TNKS2: variants seen among roughly 807,000 people sequenced by gnomAD.
TNKS2 encodes poly [ADP-ribose] polymerase tankyrase-2.
A neutral mutation model predicts 137.6 loss-of-function variants in TNKS2; 72 were observed. The ratio of observed to expected loss-of-function variants is 0.52; its 90% CI spans 0.43 to 0.64. The LOEUF (loss-of-function observed/expected upper bound fraction) is 0.64, where lower values mean the gene tolerates loss of function less well. Ranked by LOEUF, TNKS2 falls within the 30% of genes least tolerant of loss-of-function variation. TNKS2 has a pLI of 0.00. For synonymous variants in TNKS2, 516 were observed against 512.1 expected, an observed-to-expected ratio of 1.01 and a Z score of -0.10; for missense variants, 1,049 against 1,410.2, an observed-to-expected ratio of 0.74 and a Z score of 4.10.
At chr10:91,824,786 A>G (rs919010550) in intron 7 of TNKS2, among the ~76,000 whole-genome samples, 2 of 152,216 alleles carry the variant, frequency 1.3e-5, no homozygotes, top group Admixed American at 1.3e-4. Flanking sequence ...TGAAGCCAGT[A>G]AGATTAATGG....
rs193214873 is a variant in TNKS2 at position 91,812,315 on chromosome 10, G to A, written c.200-668G>A. Among the ~76,000 whole-genome samples the A allele has an allele frequency of 4.0e-3, 609 of 152,266 alleles. 5 individuals are homozygous for A. The highest frequency in any genetic ancestry group is 0.013 in the African/African-American group (555 of 41,550). On this transcript the variant is annotated intron_variant, in intron 1 of 26. Transcript: ENST00000371627. ...TTTTTTTGTTTTATTTGATTTGGGGGCAGTTGAGCAGAACTGTGGAATGTT... is the reference window on the plus strand; with the variant it reads ...TTTTTTTGTTTTATTTGATTTGGGGACAGTTGAGCAGAACTGTGGAATGTT...
In TNKS2 at chr10:91,862,203, C is replaced by CT. The variant is rs753867261; in HGVS notation, c.3438+51dup. 19 of 1,420,844 alleles carry CT rather than the reference C, an allele frequency of 1.3e-5. No individual in the cohort carries two copies. In the African/African-American group the frequency reaches 2.6e-4, roughly 20 times the overall value. The allele number at this position is 1,420,844 out of a possible 1,614,324, so 88.0% of individuals were successfully genotyped here. ...TCTTCAAAAATGCTAGGGAGGCATA[C>CT]TTTAACTTTTTATTAATCTCTTGAA... On this transcript the variant is annotated intron_variant, in intron 26 of 26. Coordinates refer to ENST00000371627, the MANE Select transcript of TNKS2 (RefSeq NM_025235.4).
rs1313997375 is a variant in TNKS2 at position 91,845,777 on chromosome 10, T to C, written c.2195T>C (p.Ile732Thr). Residue 732 changes from isoleucine to threonine, a missense_variant, in exon 18 of 27, where the codon ATA (isoleucine) becomes ACA (threonine). This residue lies in a region of TNKS2 where 328 missense variants were observed against 436.0 expected (regional missense o/e 0.75). Transcript: ENST00000371627. ...YGHVDVAALL[I>T]KYNACVNATD... ...CATGTAGATGTAGCAGCTCTACTAA[T>C]AAAGTATAATGCATGTGTCAATGCC... The C allele has an allele frequency of 6.4e-7, 1 of 1,562,626 alleles. No homozygotes were observed. The highest frequency in any genetic ancestry group is 1.3e-5 in the African/African-American group (1 of 74,134).
intron 1 of TNKS2, among the ~76,000 whole-genome samples, chr10:91,812,047 A>G (rs1392243904): frequency 1.4e-5 from 2 of 141,282 alleles, no homozygotes; most frequent in African/African-American, 5.5e-5. Flanking sequence ...CGACAGAGCG[A>G]CACTCCGTCT....
intron 13 of TNKS2, among the ~76,000 whole-genome samples, chr10:91,837,758 G>A (rs371202109): frequency 5.3e-5 from 8 of 152,192 alleles, no homozygotes; most frequent in African/African-American, 1.9e-4. Context: ...TACTTGGGAG[G>A]CTGAGACAGT....
chr10:91,813,674 G>A (rs910910965), intron 2 of TNKS2, among the ~76,000 whole-genome samples: 2 of 152,212 alleles, frequency 1.3e-5, no homozygotes, highest in African/African-American at 4.8e-5. Flanking sequence ...CGTGCAGGCA[G>A]TGTAGAATAT....
Position 91,836,957 on chromosome 10 carries a change from T to A in TNKS2, c.1486T>A (p.Leu496Met), listed in dbSNP as rs1211662351. ...AGGTAATTCAGAGGCAGACAGACAA[T>A]TGCTGGAAGCTGCAAAGGCTGGAGA... ...SLGNSEADRQ[L>M]LEAAKAGDVE... Residue 496 changes from leucine (L) to methionine (M), a missense_variant, in exon 13 of 27, where the codon TTG becomes ATG. Coordinates refer to ENST00000371627, the MANE Select transcript of TNKS2 (RefSeq NM_025235.4). The A allele has an allele frequency of 6.2e-7, 1 of 1,613,574 alleles. No individual in the cohort carries two copies. Among genetic ancestry groups the A allele is most frequent in the Admixed American group, 1.7e-5 (1 of 59,986 alleles).
chr10:91,820,099 C>A lies in TNKS2; in HGVS notation c.728+66C>A, dbSNP rs1844838360. 4.7e-6 allele frequency: 5 copies of A among 1,071,856 alleles called. No individual in the cohort carries two copies. The South Asian group carries it at 5.4e-5, about 12-fold the overall frequency. The allele number at this position is 1,071,856 out of a possible 1,614,324, so 66.4% of individuals were successfully genotyped here. On this transcript the variant is annotated intron_variant, in intron 6 of 26. Transcript: ENST00000371627. ...CCTCTTCTTAAAACAATCTTTGTAACCTTAGAAAAATAATATTTTTTACTA... is the reference window on the plus strand; with the variant it reads ...CCTCTTCTTAAAACAATCTTTGTAAACTTAGAAAAATAATATTTTTTACTA...
At chr10:91,834,685 T>G (rs1367359345) in intron 12 of TNKS2, among the ~76,000 whole-genome samples, 1 of 152,224 alleles carries the variant, frequency 6.6e-6, no homozygotes, top group African/African-American at 2.4e-5. Flanking sequence ...TGAGAAACAC[T>G]GCTTGAACAG....
At chr10:91,819,587 T>C in intron 5 of TNKS2, 30 bp downstream of exon 5, 1 of 1,486,380 alleles carries the variant, frequency 6.7e-7, no homozygotes, top group Non-Finnish European at 9.1e-7. Context: ...AGTTTGTGCT[T>C]ATCTCCTGGT....
chr10:91,830,461 G>A (rs1006038814), intron 9 of TNKS2, among the ~76,000 whole-genome samples: 2 of 152,034 alleles, frequency 1.3e-5, no homozygotes, highest in African/African-American at 2.4e-5. Flanking sequence ...CAGGTGACCC[G>A]CCTGCCTCGG....
In TNKS2 at chr10:91,822,582, T is replaced by TG. The variant is rs1844926637; in HGVS notation, c.795+220_795+221insG. On this transcript the variant is annotated intron_variant, in intron 7 of 26. Transcript: ENST00000371627. ...TGTTTTGTTTTGTTTTGTTTTGTTTTTTTGAGACAAGGTCTCACTCTTGCC... is the reference window on the plus strand; with the variant it reads ...TGTTTTGTTTTGTTTTGTTTTGTTTTGTTTGAGACAAGGTCTCACTCTTGCC... Among the ~76,000 whole-genome samples the TG allele has an allele frequency of 2.6e-5, 4 of 151,188 alleles. No homozygotes were observed. The South Asian group carries it at 8.4e-4, about 32-fold the overall frequency.
intron 19 of TNKS2, 39 bp from the exon 20 acceptor site, chr10:91,849,472 AT>A: frequency 1.4e-6 from 2 of 1,476,042 alleles, no homozygotes; most frequent in Non-Finnish European, 1.9e-6. Flanking sequence ...CATTATTCTG[AT>A]GTGAAATTCC....
chr10:91,838,818 G>A (rs1446828264), intron 13 of TNKS2, among the ~76,000 whole-genome samples: 1 of 152,142 alleles, frequency 6.6e-6, no homozygotes, highest in Non-Finnish European at 1.5e-5. Flanking sequence ...TTTGGGAGTA[G>A]GTTAGTAAAA....
At chr10:91,850,571 T>C (rs1842512098) in intron 20 of TNKS2, among the ~76,000 whole-genome samples, 2 of 151,612 alleles carry the variant, frequency 1.3e-5, no homozygotes, top group Non-Finnish European at 1.5e-5. Context: ...TACAAAAAAT[T>C]AGCTGGGCGT....
At chr10:91,813,559 C>T (rs10881972) in intron 2 of TNKS2, among the ~76,000 whole-genome samples, 4,285 of 152,142 alleles carry the variant, frequency 0.028, 205 homozygotes, top group African/African-American at 0.097. Flanking sequence ...GGAGTCTTTC[C>T]GTGAGAAAGG....
In TNKS2 at chr10:91,859,614, G is replaced by C; in HGVS notation, c.3247G>C (p.Val1083Leu). 6.2e-7 allele frequency: 1 copy of C among 1,612,742 alleles called. No homozygotes were observed. The highest frequency in any genetic ancestry group is 8.5e-7 in the Non-Finnish European group (1 of 1,179,600). ...YGIGGGTGCP[V>L]HKDRSCYICH... ...AATTGGAGGAGGTACTGGGTGTCCA[G>C]TTCACAAAGACAGATCTTGTTACAT... Residue 1083 changes from valine to leucine, a missense_variant, in exon 25 of 27, where the codon GTT (valine) becomes CTT (leucine). This residue lies in a region of TNKS2 where 133 missense variants were observed against 248.4 expected (regional missense o/e 0.54). Transcript: ENST00000371627.
chr10:91,802,209 A>T (rs1044787393), intron 1 of TNKS2, among the ~76,000 whole-genome samples: 1 of 152,198 alleles, frequency 6.6e-6, no homozygotes, highest in Non-Finnish European at 1.5e-5. Flanking sequence ...TGTGTGAATC[A>T]AATATAAGAG....
chr10:91,834,960 C>G (rs1387703614), intron 12 of TNKS2, among the ~76,000 whole-genome samples: 1 of 152,096 alleles, frequency 6.6e-6, no homozygotes, highest in Non-Finnish European at 1.5e-5. Context: ...ATTTCCAGGT[C>G]AAAGGGTAGC....
Sources: gnomAD v4.1 joint callset for allele counts (sites outside exome capture counted in the v4.1 genomes callset) on GRCh38, gnomAD v4.1.1 for gene constraint, gnomAD v4.1.1 regional missense constraint, MANE v1.5 for transcripts, NCBI Gene and HGNC (gene_info 2026-07-23, HGNC 2026-07-21) for gene names.